RSU1: variants seen among roughly 807,000 people sequenced by gnomAD.
The protein encoded by RSU1 is rsu-1.
A neutral mutation model predicts 31.1 loss-of-function variants in RSU1; 26 were observed. The ratio of observed to expected loss-of-function variants is 0.84; its 90% CI spans 0.61 to 1.16. The LOEUF is 1.16. Ranked by LOEUF, RSU1 falls within the 50% of genes most tolerant of loss-of-function variation. RSU1 has a pLI of 0.00. For synonymous variants in RSU1, 164 were observed against 136.3 expected (o/e 1.20, Z -1.41); for missense variants, 320 against 339.1 (o/e 0.94, Z 0.44).
chr10:16,740,582 A>G (rs1170091956), intron 7 of RSU1, among the ~76,000 whole-genome samples: 1 of 152,220 alleles, frequency 6.6e-6, no homozygotes, highest in African/African-American at 2.4e-5. Flanking sequence ...ATTCTAAGGA[A>G]TCCACTAAAA....
At chr10:16,774,748 C>G (rs1837493688) in intron 3 of RSU1, among the ~76,000 whole-genome samples, 1 of 152,188 alleles carries the variant, frequency 6.6e-6, no homozygotes, top group African/African-American at 2.4e-5. Flanking sequence ...ACGTGCACTT[C>G]TCTACAGATC....
chr10:16,592,840 A>AAAAGT lies in RSU1; in HGVS notation c.*549_*553dup, dbSNP rs1833532129. 1 of 152,260 alleles carries AAAAGT rather than the reference A, an allele frequency of 6.6e-6. No homozygotes were observed. Among genetic ancestry groups the AAAAGT allele is most frequent in the Non-Finnish European group, 1.5e-5 (1 of 68,050 alleles). 9.4% of individuals were successfully genotyped at this position (152,260 alleles called of 1,614,324 possible). A position where few individuals can be genotyped will look rare whatever the true frequency, so the allele number is the denominator to read the frequency against. The stretch of plus-strand genomic sequence containing the variant: ...ATTGGATAAGATGATTTTGGGGGAG[A>AAAAGT]AAAGTAAATGAAAATGTGTTATACC... On this transcript the variant is annotated 3_prime_UTR_variant, in exon 9 of 9. Coordinates refer to ENST00000345264, the MANE Select transcript of RSU1 (RefSeq NM_012425.4).
intron 7 of RSU1, among the ~76,000 whole-genome samples, chr10:16,733,113 T>C (rs894092067): frequency 3.9e-5 from 6 of 152,140 alleles, no homozygotes; most frequent in African/African-American, 9.7e-5. Context: ...TCATCATTAC[T>C]AGGCAAATAT....
intron 8 of RSU1, among the ~76,000 whole-genome samples, chr10:16,603,307 C>G (rs564551104): frequency 1.3e-5 from 2 of 152,316 alleles, no homozygotes; most frequent in Admixed American, 6.5e-5. Flanking sequence ...ATATTCTAGA[C>G]TCACGATCTG....
chr10:16,660,732 C>T (rs979132999), intron 8 of RSU1, among the ~76,000 whole-genome samples: 6 of 144,404 alleles, frequency 4.2e-5, no homozygotes, highest in African/African-American at 1.5e-4. Context: ...CTGCAACTTC[C>T]ACTTCCTGGG....
chr10:16,719,090 T>G (rs1421420336), intron 7 of RSU1, among the ~76,000 whole-genome samples: 1 of 152,030 alleles, frequency 6.6e-6, no homozygotes, highest in African/African-American at 2.4e-5. Context: ...GGAGGATTGC[T>G]TGACGGCAGG....
intron 7 of RSU1, among the ~76,000 whole-genome samples, chr10:16,697,381 G>C (rs1189510251): frequency 1.3e-5 from 2 of 152,204 alleles, no homozygotes; most frequent in African/African-American, 4.8e-5. Flanking sequence ...TCTTGGCCAG[G>C]AGTGGTGGCT....
At chr10:16,693,728 G>A (rs1480480428) in intron 8 of RSU1, among the ~76,000 whole-genome samples, 3 of 152,068 alleles carry the variant, frequency 2.0e-5, no homozygotes, top group African/African-American at 7.2e-5. Flanking sequence ...TGGGCATGGT[G>A]GTGTGCTCCT....
chr10:16,650,340 C>G (rs2131513593), intron 8 of RSU1, among the ~76,000 whole-genome samples: 1 of 152,306 alleles, frequency 6.6e-6, no homozygotes, highest in Admixed American at 6.5e-5. Flanking sequence ...GTTAAGCACA[C>G]TTCCAACAAC....
chr10:16,724,916 C>T (rs1322681331), intron 7 of RSU1, among the ~76,000 whole-genome samples: 2 of 152,154 alleles, frequency 1.3e-5, no homozygotes, highest in Non-Finnish European at 2.9e-5. Flanking sequence ...TGAAAGAAGC[C>T]AGAAAGCATA....
intron 3 of RSU1, among the ~76,000 whole-genome samples, chr10:16,778,455 G>A (rs962398490): frequency 2.0e-5 from 3 of 152,052 alleles, no homozygotes; most frequent in South Asian, 2.1e-4. Flanking sequence ...TAATTACTGC[G>A]AAGCCACTAA....
intron 8 of RSU1, among the ~76,000 whole-genome samples, chr10:16,673,593 T>G (rs1835161914): frequency 6.6e-6 from 1 of 152,228 alleles, no homozygotes; most frequent in African/African-American, 2.4e-5. Flanking sequence ...AAATGTTTCT[T>G]GAAGCACGTG....
chr10:16,768,573 C>T (rs529988655), intron 3 of RSU1, among the ~76,000 whole-genome samples: 1 of 152,300 alleles, frequency 6.6e-6, no homozygotes, highest in East Asian at 1.9e-4. Flanking sequence ...GGGACGCTCT[C>T]ATCCCAGAGC....
intron 7 of RSU1, among the ~76,000 whole-genome samples, chr10:16,747,382 A>C (rs774665824): frequency 3.3e-5 from 5 of 152,058 alleles, no homozygotes; most frequent in African/African-American, 4.8e-5. Context: ...AAGGCATCTC[A>C]AATTTAAGAT....
intron 8 of RSU1, among the ~76,000 whole-genome samples, chr10:16,692,745 T>C (rs926277708): frequency 2.6e-5 from 4 of 152,196 alleles, no homozygotes; most frequent in East Asian, 1.9e-4. Context: ...TTAAAAAAAA[T>C]TGAATCTGTA....
chr10:16,726,561 G>T (rs143295466), intron 7 of RSU1, among the ~76,000 whole-genome samples: 3 of 152,066 alleles, frequency 2.0e-5, no homozygotes, highest in Non-Finnish European at 4.4e-5. Flanking sequence ...CACTGCGCCC[G>T]GCCAAGAACG....
At chr10:16,673,234 C>T (rs1260430261) in intron 8 of RSU1, among the ~76,000 whole-genome samples, 5 of 138,428 alleles carry the variant, frequency 3.6e-5, no homozygotes, top group Non-Finnish European at 3.2e-5. Context: ...ACCAGAAGCG[C>T]TGTGATACTG....
At chr10:16,625,855 C>T (rs1400885211) in intron 8 of RSU1, among the ~76,000 whole-genome samples, 2 of 152,114 alleles carry the variant, frequency 1.3e-5, no homozygotes, top group Non-Finnish European at 2.9e-5. Flanking sequence ...CAGTTCTTCT[C>T]ATAGGCTGGT....
chr10:16,614,042 A>G (rs1833936433), intron 8 of RSU1, among the ~76,000 whole-genome samples: 1 of 152,214 alleles, frequency 6.6e-6, no homozygotes. Context: ...ATAAAAGTTC[A>G]AAACATGGGT....
Sources: allele counts gnomAD v4.1 joint callset (sites outside exome capture counted in the v4.1 genomes callset), GRCh38; gene constraint gnomAD v4.1.1; transcripts MANE v1.5; gene names NCBI Gene and HGNC (gene_info 2026-07-23, HGNC 2026-07-21).